Variants in DGKB observed in about 807,000 individuals in gnomAD.
The protein encoded by DGKB is 90 kDa diacylglycerol kinase.
In DGKB, 67 loss-of-function variants were observed where a neutral mutation model predicts 114.3. That is an observed-to-expected ratio of 0.59 (90% CI 0.48 to 0.72). DGKB has a LOEUF of 0.72. Among genes scored for constraint, DGKB ranks in the 30% least tolerant of loss-of-function variants. The probability of loss-of-function intolerance (pLI) is 0.00; values close to 1 mark genes in which losing one functional copy is unlikely to be tolerated. For synonymous variants in DGKB, 398 were observed against 323.1 expected, an observed-to-expected ratio of 1.23 and a Z score of -2.49; for missense variants, 907 against 975.2, an observed-to-expected ratio of 0.93 and a Z score of 0.93.
intron 20 of DGKB, among the ~76,000 whole-genome samples, chr7:14,487,026 C>T (rs1048171174): frequency 2.0e-5 from 3 of 152,044 alleles, no homozygotes; most frequent in African/African-American, 7.3e-5. Flanking sequence ...CACCTTTAAC[C>T]TTTTCATAAT....
At chr7:14,489,648 C>G (rs1784329888) in intron 20 of DGKB, among the ~76,000 whole-genome samples, 1 of 152,110 alleles carries the variant, frequency 6.6e-6, no homozygotes, top group Non-Finnish European at 1.5e-5. Context: ...AAATCCAAGT[C>G]AAAACCTCAT....
upstream of DGKB, among the ~76,000 whole-genome samples, chr7:14,905,246 T>G (rs923727401): frequency 6.6e-5 from 4 of 60,260 alleles, no homozygotes; most frequent in African/African-American, 6.7e-4. Flanking sequence ...TCTTGTTAGT[T>G]TTTTTTTTTT....
At chr7:14,866,481 T>C (rs186000502) in intron 1 of DGKB, among the ~76,000 whole-genome samples, 1 of 152,342 alleles carries the variant, frequency 6.6e-6, no homozygotes, top group East Asian at 1.9e-4. Context: ...GAATGTTATA[T>C]ACACTTAGAA....
chr7:14,381,712 G>A (rs1481426278), intron 21 of DGKB, among the ~76,000 whole-genome samples: 2 of 152,146 alleles, frequency 1.3e-5, no homozygotes, highest in Admixed American at 1.3e-4. Context: ...GGGCTCAAGT[G>A]CATCTACCTG....
intron 25 of DGKB, among the ~76,000 whole-genome samples, chr7:14,156,504 A>T (rs752398587): frequency 6.6e-6 from 1 of 152,148 alleles, no homozygotes; most frequent in Non-Finnish European, 1.5e-5. Context: ...TAAAAACTGT[A>T]ATTTTAATTC....
Position 14,211,294 on chromosome 7 carries a change from A to ATTT in DGKB, c.2123-33144_2123-33143insAAA, listed in dbSNP as rs879261555. 4.0e-3 allele frequency among the ~76,000 whole-genome samples: 479 copies of ATTT among 120,910 alleles called. 33 individuals carry two copies. Among genetic ancestry groups the ATTT allele is most frequent in the East Asian group, 8.3e-3 (37 of 4,484 alleles). 79.3% of individuals were successfully genotyped at this position (120,910 alleles called of 152,430 possible). On this transcript the variant is annotated intron_variant, in intron 23 of 25. Transcript: ENST00000402815. ...CTCTTTCCTTAGCCTCTACTATGTG[A>ATTT]TATTTACTCTCATGTTTTGTGATAT...
intron 20 of DGKB, among the ~76,000 whole-genome samples, chr7:14,490,246 T>G (rs1784417518): frequency 6.6e-6 from 1 of 152,162 alleles, no homozygotes; most frequent in Non-Finnish European, 1.5e-5. Context: ...AGCACATAGT[T>G]ACATAGTCTA....
chr7:14,296,486 G>A (rs1193064433), intron 23 of DGKB, among the ~76,000 whole-genome samples: 1 of 152,114 alleles, frequency 6.6e-6, no homozygotes. Context: ...TGTCTTTATA[G>A]TAGAACGATT....
intron 20 of DGKB, among the ~76,000 whole-genome samples, chr7:14,492,300 T>C (rs967318305): frequency 6.6e-6 from 1 of 151,910 alleles, no homozygotes; most frequent in Non-Finnish European, 1.5e-5. Flanking sequence ...AAGGATCAAA[T>C]CTTGTTGAGG....
chr7:14,934,958 T>C (rs1306524937), intron 1 of DGKB, among the ~76,000 whole-genome samples: 1 of 152,186 alleles, frequency 6.6e-6, no homozygotes, highest in East Asian at 1.9e-4. Flanking sequence ...AATGTTACAT[T>C]TAGAGGCTCC....
intron 21 of DGKB, among the ~76,000 whole-genome samples, chr7:14,458,326 A>T (rs907408016): frequency 6.6e-6 from 1 of 152,358 alleles, no homozygotes; most frequent in South Asian, 2.1e-4. Flanking sequence ...TAAGTTAAAT[A>T]ATTTAAATTT....
intron 21 of DGKB, among the ~76,000 whole-genome samples, chr7:14,366,917 G>C (rs182254518): frequency 6.6e-6 from 1 of 152,034 alleles, no homozygotes. Flanking sequence ...TATAACTTGC[G>C]TTATAGCCTG....
At chr7:14,420,640 C>T (rs1420713660) in intron 21 of DGKB, among the ~76,000 whole-genome samples, 2 of 151,986 alleles carry the variant, frequency 1.3e-5, no homozygotes, top group Non-Finnish European at 2.9e-5. Flanking sequence ...AACTCAGAAG[C>T]TTCAGTTTCT....
intron 5 of DGKB, among the ~76,000 whole-genome samples, chr7:14,720,517 GTA>G (rs1554620220): frequency 0.012 from 1,621 of 135,022 alleles, 13 homozygotes; most frequent in Non-Finnish European, 0.015. Context: ...GTGTGTGTGT[GTA>G]TGTTTAGTAG....
intron 1 of DGKB, among the ~76,000 whole-genome samples, chr7:14,957,542 T>C (rs1376558672): frequency 6.6e-6 from 1 of 152,014 alleles, no homozygotes; most frequent in Non-Finnish European, 1.5e-5. Flanking sequence ...AATATATGAA[T>C]ATATTTCCTG....
chr7:14,390,479 C>A (rs563732591), intron 21 of DGKB, among the ~76,000 whole-genome samples: 38 of 152,228 alleles, frequency 2.5e-4, no homozygotes, highest in Admixed American at 8.5e-4. Flanking sequence ...TAAAATTCTC[C>A]TTTAAATTCC....
intron 5 of DGKB, among the ~76,000 whole-genome samples, chr7:14,720,599 T>C (rs754489309): frequency 6.6e-6 from 1 of 151,686 alleles, no homozygotes; most frequent in Non-Finnish European, 1.5e-5. Context: ...CACGTCGGCC[T>C]CCCAAAGTGC....
At chr7:14,697,080 C>T (rs900373894) in intron 8 of DGKB, among the ~76,000 whole-genome samples, 1 of 152,088 alleles carries the variant, frequency 6.6e-6, no homozygotes, top group African/African-American at 2.4e-5. Flanking sequence ...TATCAACTTT[C>T]CCCAAAATAT....
At chr7:14,440,414 C>T (rs188189684) in intron 21 of DGKB, among the ~76,000 whole-genome samples, 7 of 152,094 alleles carry the variant, frequency 4.6e-5, no homozygotes, top group Non-Finnish European at 7.4e-5. Context: ...GAGTTGATCA[C>T]GACTCACTCA....
Sources: gnomAD v4.1 joint callset for allele counts (sites outside exome capture counted in the v4.1 genomes callset) on GRCh38, gnomAD v4.1.1 for gene constraint, MANE v1.5 for transcripts, NCBI Gene and HGNC (gene_info 2026-07-23, HGNC 2026-07-21) for gene names.